Variants in PA2G4 observed in about 807,000 individuals in gnomAD.
PA2G4 encodes proliferation-associated protein 2G4.
Under a neutral mutation model 53.3 loss-of-function variants are expected in PA2G4, and 8 were observed. That is an observed-to-expected ratio of 0.15 (90% confidence interval 0.09 to 0.27). The LOEUF (loss-of-function observed/expected upper bound fraction) is 0.27. Ranked by LOEUF, PA2G4 falls within the 10% of genes least tolerant of loss-of-function variation. PA2G4 has a pLI of 1.00. For missense variants in PA2G4, 208 were observed against 486.8 expected, an observed-to-expected ratio of 0.43 and a Z score of 5.39; for synonymous variants, 143 against 169.8, an observed-to-expected ratio of 0.84 and a Z score of 1.23.
At chr12:56,112,570 C>G (rs1275657442) in intron 12 of PA2G4, among the ~76,000 whole-genome samples, 1 of 152,012 alleles carries the variant, frequency 6.6e-6, no homozygotes, top group Non-Finnish European at 1.5e-5. Context: ...TCAGCCCGGG[C>G]AACATGGTGA....
At position 56,110,839 on chromosome 12, in the gene PA2G4, T is replaced by A. The variant is rs1467754349; in HGVS notation, c.843-125T>A. 6 of 1,308,598 alleles carry A rather than the reference T, an allele frequency of 4.6e-6. No individual in the cohort carries two copies. In the Admixed American group the frequency reaches 1.2e-4, roughly 25 times the overall value. The allele number at this position is 1,308,598 out of a possible 1,614,324, so 81.1% of individuals were successfully genotyped here. The stretch of plus-strand genomic sequence containing the variant: ...CTCCCCATCTCCTTCTCATTGAAGG[T>A]AATGTAAAAGAGCAATCCTAAGCAT... On this transcript the variant is annotated intron_variant, in intron 9 of 12. Coordinates refer to ENST00000303305, the MANE Select transcript of PA2G4 (RefSeq NM_006191.3).
rs79699634 is a variant in PA2G4 at position 56,112,354 on chromosome 12, T to C, written c.1120-469T>C. On this transcript the variant is annotated intron_variant, in intron 12 of 12. Coordinates refer to ENST00000303305, the MANE Select transcript of PA2G4 (RefSeq NM_006191.3). The stretch of plus-strand genomic sequence containing the variant: ...CATTTATTGAACAAATTATCATGTA[T>C]CGAAATATCCATATTGCTTTCACGC... Among the ~76,000 whole-genome samples, 384 of 152,354 alleles carry C rather than the reference T, an allele frequency of 2.5e-3. 3 individuals carry two copies. Among genetic ancestry groups the C allele is most frequent in the African/African-American group, 8.9e-3 (368 of 41,576 alleles).
intron 5 of PA2G4, 46 bp downstream of exon 5, chr12:56,107,659 C>G (rs1374343090): frequency 1.6e-6 from 2 of 1,260,716 alleles, no homozygotes; most frequent in South Asian, 1.2e-5. Flanking sequence ...ACCAAAGATG[C>G]ATTAGGCACC....
chr12:56,108,698 T>G (rs1016866788), intron 5 of PA2G4, among the ~76,000 whole-genome samples: 1 of 152,214 alleles, frequency 6.6e-6, no homozygotes, highest in Non-Finnish European at 1.5e-5. Context: ...TTTCAACTTA[T>G]GAGTTTTTTG....
In PA2G4 at chr12:56,107,181, T is replaced by G. The variant is rs1289511055; in HGVS notation, c.324-6T>G. ...CCTAATGCAGTACTCTGATCTTGCC[T>G]TTCAGTGACCTTGGGGTCCATGTGG... is the stretch of plus-strand genomic sequence containing the variant. On this transcript the variant is annotated splice_region_variant and splice_polypyrimidine_tract_variant and intron_variant, in intron 3 of 12. Coordinates refer to ENST00000303305, the MANE Select transcript of PA2G4 (RefSeq NM_006191.3). The G allele has an allele frequency of 6.2e-7, 1 of 1,613,406 alleles. No individual in the cohort carries two copies. The highest frequency in any genetic ancestry group is 1.7e-5 in the Admixed American group (1 of 60,028).
Position 56,104,588 on chromosome 12 carries a change from G to T in PA2G4, c.-150G>T. Reference sequence around the variant, plus strand: ...CGCGCGCTCGCAGCTTCTCGCTCTCGCCTGCCTGCCCGCTCCCTTGCTTGC... The same window carrying T: ...CGCGCGCTCGCAGCTTCTCGCTCTCTCCTGCCTGCCCGCTCCCTTGCTTGC... On this transcript the variant is annotated 5_prime_UTR_variant, in exon 1 of 13. Coordinates refer to ENST00000303305, the MANE Select transcript of PA2G4 (RefSeq NM_006191.3). 1 of 818,904 alleles carries T rather than the reference G, an allele frequency of 1.2e-6. No homozygotes were observed. The highest frequency in any genetic ancestry group is 2.2e-6 in the Non-Finnish European group (1 of 461,234). 50.7% of individuals were successfully genotyped at this position (818,904 alleles called of 1,614,324 possible).
rs373784042 is a variant in PA2G4, at chr12:56,108,987, G to A, written c.487-243G>A. Among the ~76,000 whole-genome samples the A allele has an allele frequency of 1.6e-4, 25 of 151,966 alleles. No individual in the cohort carries two copies. The East Asian group carries it at 3.9e-3, about 24-fold the overall frequency. On this transcript the variant is annotated intron_variant, in intron 5 of 12. Transcript: ENST00000303305. The stretch of plus-strand genomic sequence containing the variant: ...CTAAAAATACAAAAATTAGCTGGGC[G>A]TGGTGTTGCGTGCCTGTAATCCCAG...
rs781684138 is a variant in PA2G4 at position 56,109,840 on chromosome 12, T to C, written c.551-17T>C. ...GATACTGGATAGCTTGTTCCATAGG[T>C]TGTGTACTATCTACAGGTATGCTGT... On this transcript the variant is annotated splice_polypyrimidine_tract_variant and intron_variant, in intron 6 of 12. Coordinates refer to ENST00000303305, the MANE Select transcript of PA2G4 (RefSeq NM_006191.3). The C allele has an allele frequency of 6.3e-7, 1 of 1,592,588 alleles. No individual in the cohort carries two copies. The highest frequency in any genetic ancestry group is 1.1e-5 in the South Asian group (1 of 90,630).
At chr12:56,110,521 G>A in intron 8 of PA2G4, 38 bp from the exon 9 acceptor site, 1 of 1,614,000 alleles carries the variant, frequency 6.2e-7, no homozygotes, top group South Asian at 1.1e-5. Context: ...GACTGAGAGT[G>A]TTCACCAGAC....
chr12:56,108,885 TG>T (rs990248924), intron 5 of PA2G4, among the ~76,000 whole-genome samples: 35 of 152,226 alleles, frequency 2.3e-4, no homozygotes, highest in Middle Eastern at 6.8e-3. Context: ...CCCAGCACTT[TG>T]GGAGGCTGAG....
intron 5 of PA2G4, among the ~76,000 whole-genome samples, chr12:56,108,177 T>G (rs1869340410): frequency 6.6e-6 from 1 of 152,188 alleles, no homozygotes; most frequent in Non-Finnish European, 1.5e-5. Flanking sequence ...GGTGGGAGGA[T>G]TGCTTGAACC....
chr12:56,107,506 T>C lies in PA2G4; in HGVS notation c.394-15T>C, dbSNP rs115072063. The C allele has an allele frequency of 6.0e-4, 950 of 1,581,862 alleles. 7 individuals are homozygous for C. In the African/African-American group the frequency reaches 0.012, roughly 19 times the overall value. On this transcript the variant is annotated splice_polypyrimidine_tract_variant and intron_variant, in intron 4 of 12. Coordinates refer to ENST00000303305, the MANE Select transcript of PA2G4 (RefSeq NM_006191.3). ...ACTTTCCAGGAAGATACTGATTGCA[T>C]GTCCTTATCTACAGGGGACCCAAGT...
Position 56,113,821 on chromosome 12 carries a change from A to T in PA2G4, c.*933A>T, listed in dbSNP as rs1486887915. On this transcript the variant is annotated 3_prime_UTR_variant, in exon 13 of 13. Coordinates refer to ENST00000303305, the MANE Select transcript of PA2G4 (RefSeq NM_006191.3). ...TTCAGTACCTCTGGCATGCTGTCCC[A>T]GGAAACTAGGGCTCCCACTAACTTA... 1 of 701,946 alleles carries T rather than the reference A, an allele frequency of 1.4e-6. No homozygotes were observed. The highest frequency in any genetic ancestry group is 2.6e-6 in the Non-Finnish European group (1 of 384,694). 43.5% of individuals were successfully genotyped at this position (701,946 alleles called of 1,614,324 possible). A position where few individuals can be genotyped will look rare whatever the true frequency, so the allele number is the denominator to read the frequency against.
chr12:56,107,744 T>C, intron 5 of PA2G4, 131 bp downstream of exon 5: 1 of 614,918 alleles, frequency 1.6e-6, no homozygotes, highest in Non-Finnish European at 2.9e-6. Flanking sequence ...ATTAGCTATA[T>C]TTAGCTGGGC....
chr12:56,107,631 A>G lies in PA2G4; in HGVS notation c.486+18A>G, dbSNP rs765382382. ...GAAATCAGGTAAGCTATTTTATCCA[A>G]TTCCAAAGCTCGTTTGAACCAAAGA... On this transcript the variant is annotated intron_variant, in intron 5 of 12. Coordinates refer to ENST00000303305, the MANE Select transcript of PA2G4 (RefSeq NM_006191.3). 7.6e-6 allele frequency: 12 copies of G among 1,581,230 alleles called. No homozygotes were observed. The South Asian group carries it at 1.1e-4, about 15-fold the overall frequency.
intron 1 of PA2G4, chr12:56,105,087 G>C (rs1453482311): frequency 1.0e-5 from 7 of 687,416 alleles, no homozygotes; most frequent in Non-Finnish European, 1.9e-5. Context: ...ACCCGAGGCC[G>C]TTTGTTAGGA....
chr12:56,106,802 G>C, intron 2 of PA2G4, 86 bp downstream of exon 2: 1 of 1,491,624 alleles, frequency 6.7e-7, no homozygotes, highest in South Asian at 1.3e-5. Context: ...TAATGACGCA[G>C]TCCCCACCCC....
At chr12:56,109,376 T>TAGTTC in intron 6 of PA2G4, 83 bp downstream of exon 6, 1 of 1,007,750 alleles carries the variant, frequency 9.9e-7, no homozygotes. Flanking sequence ...TCCCAGAACT[T>TAGTTC]TGGGAGGCTG....
chr12:56,106,718 T>TA lies in PA2G4; in HGVS notation c.217+14dup, dbSNP rs34728522. The TA allele has an allele frequency of 0.14, 189,658 of 1,337,496 alleles. 5,309 individuals carry two copies. The highest frequency in any genetic ancestry group is 0.4 in the African/African-American group (27,604 of 68,184). 82.9% of individuals were successfully genotyped at this position (1,337,496 alleles called of 1,614,324 possible). ...AGAAAGAAAAGGAAATGAAGAAAGG[T>TA]AAAAAAAAAAAATCCCTCACTAATT... On this transcript the variant is annotated splice_region_variant and intron_variant, in intron 2 of 12. Transcript: ENST00000303305.
Sources: gnomAD v4.1 joint callset for allele counts (sites outside exome capture counted in the v4.1 genomes callset) on GRCh38, gnomAD v4.1.1 for gene constraint, MANE v1.5 for transcripts, NCBI Gene and HGNC (gene_info 2026-07-23, HGNC 2026-07-21) for gene names.